Variants in HSD17B2 observed in about 807,000 individuals in gnomAD.
HSD17B2 encodes the protein 17-beta-hydroxysteroid dehydrogenase type 2.
A neutral mutation model predicts 26.9 loss-of-function variants in HSD17B2; 32 were observed. The observed-to-expected ratio is 1.19, with a 90% CI of 0.90 to 1.60. The LOEUF is 1.60. Ranked by LOEUF, HSD17B2 falls within the 40% of genes most tolerant of loss-of-function variation. The probability of loss-of-function intolerance (pLI) is 0.00; values close to 1 mark genes in which losing one functional copy is unlikely to be tolerated. For synonymous variants in HSD17B2, 246 were observed against 186.7 expected, an observed-to-expected ratio of 1.32 and a Z score of -2.59; for missense variants, 613 against 468.6, an observed-to-expected ratio of 1.31 and a Z score of -2.85.
chr16:82,098,018 C>A, intron 4 of HSD17B2, 57 bp from the exon 5 acceptor site: 1 of 1,544,462 alleles, frequency 6.5e-7, no homozygotes, highest in Non-Finnish European at 8.7e-7. Flanking sequence ...CAAGCGCCTG[C>A]TCCCTGACTT....
chr16:82,037,444 G>A (rs975376450), intron 1 of HSD17B2, among the ~76,000 whole-genome samples: 3 of 152,176 alleles, frequency 2.0e-5, no homozygotes, highest in African/African-American at 7.2e-5. Flanking sequence ...GTTCCAGATT[G>A]GCTTATGATA....
chr16:82,039,456 C>T (rs905937726), intron 1 of HSD17B2, among the ~76,000 whole-genome samples: 1 of 151,754 alleles, frequency 6.6e-6, no homozygotes. Context: ...AAAACGTTGA[C>T]AAACAGAGAG....
chr16:82,070,859 C>G, intron 2 of HSD17B2, 83 bp from the exon 3 acceptor site: 2 of 1,333,504 alleles, frequency 1.5e-6, no homozygotes, highest in African/African-American at 1.5e-5. Context: ...CGTAACACCT[C>G]TTGCATGGTC....
At chr16:82,086,569 T>G (rs1361677055) in intron 3 of HSD17B2, among the ~76,000 whole-genome samples, 1 of 152,124 alleles carries the variant, frequency 6.6e-6, no homozygotes, top group Non-Finnish European at 1.5e-5. Flanking sequence ...ATTGACTGAA[T>G]AGTTCACAGA....
At chr16:82,064,576 C>G (rs945960372) in intron 1 of HSD17B2, among the ~76,000 whole-genome samples, 3 of 152,136 alleles carry the variant, frequency 2.0e-5, no homozygotes, top group African/African-American at 7.2e-5. Context: ...CTTTTGAGGA[C>G]TGTTTTCCAA....
At chr16:82,077,092 C>T (rs1904306424) in intron 3 of HSD17B2, among the ~76,000 whole-genome samples, 1 of 152,150 alleles carries the variant, frequency 6.6e-6, no homozygotes, top group African/African-American at 2.4e-5. Flanking sequence ...CCATACTATT[C>T]AAGGAAATCT....
rs35272646 is a variant in HSD17B2 at position 82,090,302 on chromosome 16, G to GTTTTTTTTTTTT, written c.665-577_665-566dup. 7.5e-4 allele frequency: 30 copies of GTTTTTTTTTTTT among 40,088 alleles called. 7 individuals are homozygous for GTTTTTTTTTTTT. The highest frequency in any genetic ancestry group is 2.6e-3 in the African/African-American group (22 of 8,594). 2.5% of individuals were successfully genotyped at this position (40,088 alleles called of 1,614,324 possible). On this transcript the variant is annotated intron_variant, in intron 3 of 4. Transcript: ENST00000199936. ...CTCTTCATCTTACCTAAACTACATT[G>GTTTTTTTTTTTT]TTTTTTTTTTTTTTTTTTTTTTTTT...
At chr16:82,041,054 G>C (rs989633700) in intron 1 of HSD17B2, among the ~76,000 whole-genome samples, 1 of 152,128 alleles carries the variant, frequency 6.6e-6, no homozygotes, top group African/African-American at 2.4e-5. Flanking sequence ...TGATAACCCG[G>C]GTAATTTTGT....
In HSD17B2 at chr16:82,038,945, G is replaced by T. The variant is rs573003594; in HGVS notation, c.265+3256G>T. On this transcript the variant is annotated intron_variant, in intron 1 of 4. Transcript: ENST00000199936. ...CACACCAGTCAATCATTAGTTAAGG[G>T]CAGTCACCCCTGTTCCCCCTTGGTT... Among the ~76,000 whole-genome samples the T allele has an allele frequency of 3.3e-5, 5 of 152,194 alleles. No homozygotes were observed. The South Asian group carries it at 6.2e-4, about 19-fold the overall frequency.
intron 2 of HSD17B2, 52 bp from the exon 3 acceptor site, chr16:82,070,890 G>A (rs2143983872): frequency 6.5e-7 from 1 of 1,534,644 alleles, no homozygotes; most frequent in Non-Finnish European, 8.9e-7. Flanking sequence ...TGCAGGTTGT[G>A]TTATTCACTT....
At chr16:82,078,489 C>A (rs1402668004) in intron 3 of HSD17B2, among the ~76,000 whole-genome samples, 2 of 152,088 alleles carry the variant, frequency 1.3e-5, no homozygotes, top group African/African-American at 4.8e-5. Flanking sequence ...ATAGAGCCAC[C>A]ATATTATCCA....
chr16:82,082,838 CT>C (rs1567590971), intron 3 of HSD17B2, among the ~76,000 whole-genome samples: 1 of 152,140 alleles, frequency 6.6e-6, no homozygotes, highest in Non-Finnish European at 1.5e-5. Flanking sequence ...CCCCAATAAC[CT>C]ATGTAATGTT....
intron 1 of HSD17B2, among the ~76,000 whole-genome samples, chr16:82,055,482 T>C (rs1914239282): frequency 6.6e-6 from 1 of 152,134 alleles, no homozygotes; most frequent in Admixed American, 6.5e-5. Flanking sequence ...TGGCACATGC[T>C]CAACAAAGAG....
intron 3 of HSD17B2, among the ~76,000 whole-genome samples, chr16:82,080,357 A>G (rs549842506): frequency 6.6e-6 from 1 of 152,296 alleles, no homozygotes; most frequent in East Asian, 1.9e-4. Context: ...GATGAATCTG[A>G]TGCAATCACA....
chr16:82,037,416 G>A (rs1913652351), intron 1 of HSD17B2, among the ~76,000 whole-genome samples: 1 of 152,288 alleles, frequency 6.6e-6, no homozygotes, highest in Admixed American at 6.5e-5. Context: ...AAGCCACGCT[G>A]AGTTTGGAAT....
intron 1 of HSD17B2, among the ~76,000 whole-genome samples, chr16:82,062,154 T>C (rs984498153): frequency 6.6e-6 from 1 of 152,218 alleles, no homozygotes; most frequent in African/African-American, 2.4e-5. Flanking sequence ...GTGATTCACA[T>C]TATTTCCCTT....
At chr16:82,095,764 G>A (rs147611757) in intron 4 of HSD17B2, 33 of 152,300 alleles carry the variant, frequency 2.2e-4, no homozygotes, top group African/African-American at 7.2e-4. Context: ...TTGACAAGAA[G>A]GGAGGTCTGT....
chr16:82,073,623 T>A (rs918120299), intron 3 of HSD17B2, among the ~76,000 whole-genome samples: 5 of 152,116 alleles, frequency 3.3e-5, no homozygotes, highest in African/African-American at 1.2e-4. Context: ...CCCTCCAGAA[T>A]GCCTAGGAAT....
intron 1 of HSD17B2, among the ~76,000 whole-genome samples, chr16:82,041,988 T>C (rs887904097): frequency 6.6e-6 from 1 of 151,692 alleles, no homozygotes; most frequent in African/African-American, 2.4e-5. Flanking sequence ...TTTCCCTTTC[T>C]TTTCTTTTCT....
Sources: gnomAD v4.1 joint callset for allele counts (sites outside exome capture counted in the v4.1 genomes callset) on GRCh38, gnomAD v4.1.1 for gene constraint, MANE v1.5 for transcripts, NCBI Gene and HGNC (gene_info 2026-07-23, HGNC 2026-07-21) for gene names.